The following PDHX variants were observed in gnomAD, a reference collection of about 807,000 sequenced individuals.
PDHX encodes the protein pyruvate dehydrogenase protein X component, mitochondrial.
A neutral mutation model predicts 55.3 loss-of-function variants in PDHX; 33 were observed. The ratio of observed to expected loss-of-function variants is 0.60; its 90% confidence interval spans 0.45 to 0.80. The LOEUF is 0.80. PDHX is among the 30% of genes least tolerant of loss of function. The pLI, the probability that PDHX is intolerant of heterozygous loss-of-function variation, is 0.00. For synonymous variants in PDHX, 226 were observed against 219.4 expected, an observed-to-expected ratio of 1.03 and a Z score of -0.27; for missense variants, 622 against 619.9, an observed-to-expected ratio of 1.00 and a Z score of -0.04.
chr11:34,951,519 C>T (rs1048623606), intron 3 of PDHX, among the ~76,000 whole-genome samples: 3 of 152,102 alleles, frequency 2.0e-5, no homozygotes, highest in African/African-American at 7.2e-5. Flanking sequence ...TGTTCATACC[C>T]TTTGCCCACT....
chr11:34,963,117 A>C (rs925945023), intron 5 of PDHX, among the ~76,000 whole-genome samples: 1 of 152,166 alleles, frequency 6.6e-6, no homozygotes, highest in Non-Finnish European at 1.5e-5. Flanking sequence ...TTGCTTTTCT[A>C]TACTGCTAAA....
intron 7 of PDHX, among the ~76,000 whole-genome samples, chr11:34,972,338 A>C (rs982802637): frequency 6.6e-6 from 1 of 151,694 alleles, no homozygotes; most frequent in Admixed American, 6.6e-5. Flanking sequence ...TAATATAAGC[A>C]TATAGTACTC....
intron 3 of PDHX, among the ~76,000 whole-genome samples, chr11:34,951,082 A>C (rs1244825382): frequency 1.0e-5 from 1 of 96,670 alleles, no homozygotes; most frequent in Non-Finnish European, 1.9e-5. Flanking sequence ...TTTGAGACGC[A>C]GTCTTGCTCT....
chr11:34,985,757 G>A (rs887541344), intron 9 of PDHX, among the ~76,000 whole-genome samples: 10 of 152,180 alleles, frequency 6.6e-5, no homozygotes, highest in Non-Finnish European at 1.5e-4. Context: ...ATTTATAAGG[G>A]AGATATGAGG....
chr11:34,954,998 A>G (rs543599929), intron 3 of PDHX, among the ~76,000 whole-genome samples: 9 of 152,344 alleles, frequency 5.9e-5, no homozygotes, highest in Admixed American at 5.9e-4. Context: ...CTCAACATTC[A>G]ATATTTCAGT....
chr11:34,984,158 G>A (rs1855588528), intron 8 of PDHX, among the ~76,000 whole-genome samples: 1 of 152,104 alleles, frequency 6.6e-6, no homozygotes, highest in Non-Finnish European at 1.5e-5. Flanking sequence ...CCAGAGCTGG[G>A]CTAGAAAGTA....
At chr11:34,977,077 T>A (rs1855395199) in intron 7 of PDHX, among the ~76,000 whole-genome samples, 1 of 152,192 alleles carries the variant, frequency 6.6e-6, no homozygotes, top group African/African-American at 2.4e-5. Context: ...GGAGCTTTGA[T>A]ACTTTGCAGC....
chr11:34,974,104 C>A (rs1264510673), intron 7 of PDHX, among the ~76,000 whole-genome samples: 1 of 152,162 alleles, frequency 6.6e-6, no homozygotes, highest in Admixed American at 6.5e-5. Flanking sequence ...TTGTTTGCAA[C>A]CATTGCCACC....
In PDHX at chr11:34,957,579, C is replaced by A; in HGVS notation, c.538C>A (p.Leu180Ile). The A allele has an allele frequency of 6.2e-7, 1 of 1,609,702 alleles. No homozygotes were observed. The highest frequency in any genetic ancestry group is 8.5e-7 in the Non-Finnish European group (1 of 1,176,374). ...CAAGAAGGAACACATACCCGGGACA[C>A]TACGGTGAGTATATATTTATTCAAA... ...PVKKEHIPGT[L>I]RFRLSPAARN... is the part of the protein sequence containing the mutation. Residue 180 changes from leucine to isoleucine, a missense_variant, in exon 4 of 11, where the codon CTA (leucine) becomes ATA (isoleucine). Coordinates refer to ENST00000227868, the MANE Select transcript of PDHX (RefSeq NM_003477.3).
intron 2 of PDHX, among the ~76,000 whole-genome samples, chr11:34,938,962 A>G (rs1235045720): frequency 4.6e-5 from 7 of 152,226 alleles, no homozygotes; most frequent in Non-Finnish European, 7.3e-5. Flanking sequence ...ATTGAGAGCA[A>G]TCTTAATCCT....
intron 6 of PDHX, among the ~76,000 whole-genome samples, chr11:34,967,646 T>C (rs1356233105): frequency 6.6e-6 from 1 of 152,146 alleles, no homozygotes; most frequent in African/African-American, 2.4e-5. Context: ...ATTCAGGTTA[T>C]TTTCTTCCTA....
intron 8 of PDHX, 76 bp from the exon 9 acceptor site, chr11:34,984,494 C>T (rs1480153696): frequency 2.4e-5 from 31 of 1,302,372 alleles, no homozygotes; most frequent in Middle Eastern, 1.9e-4. Flanking sequence ...GGAAAATGCA[C>T]AATGATTTTA....
intron 1 of PDHX, among the ~76,000 whole-genome samples, chr11:34,926,351 A>C (rs1321381371): frequency 6.6e-6 from 1 of 152,204 alleles, no homozygotes; most frequent in Non-Finnish European, 1.5e-5. Context: ...CATTGGAATG[A>C]GAAGTGATTA....
chr11:34,980,093 T>C (rs1250193704), intron 8 of PDHX, among the ~76,000 whole-genome samples: 1 of 151,304 alleles, frequency 6.6e-6, no homozygotes, highest in Non-Finnish European at 1.5e-5. Flanking sequence ...TAAAAGCTTA[T>C]ATTTTCCCAG....
At chr11:34,966,292 A>G (rs1854231896) in intron 5 of PDHX, among the ~76,000 whole-genome samples, 1 of 152,250 alleles carries the variant, frequency 6.6e-6, no homozygotes. Flanking sequence ...TTTCATGAGT[A>G]TAAAGGATGA....
chr11:34,968,780 A>G lies in PDHX; in HGVS notation c.817-1359A>G, dbSNP rs577454449. On this transcript the variant is annotated intron_variant, in intron 6 of 10. Transcript: ENST00000227868. ...CAAAATATTGGAAGACCCTTCAGTT[A>G]CCTTTCATGATTTCTAGTTTAACTC... is the stretch of plus-strand genomic sequence containing the variant. Among the ~76,000 whole-genome samples, 5 of 152,306 alleles carry G rather than the reference A, an allele frequency of 3.3e-5. No homozygotes were observed. In the South Asian group the frequency reaches 8.3e-4, roughly 25 times the overall value.
At chr11:34,933,170 A>G (rs1037096004) in intron 2 of PDHX, among the ~76,000 whole-genome samples, 2 of 152,258 alleles carry the variant, frequency 1.3e-5, no homozygotes, top group Non-Finnish European at 2.9e-5. Context: ...CAATATACAT[A>G]TCTTGCACAA....
chr11:34,944,491 G>T (rs1044472228), intron 2 of PDHX, among the ~76,000 whole-genome samples: 1 of 152,078 alleles, frequency 6.6e-6, no homozygotes, highest in Non-Finnish European at 1.5e-5. Context: ...GGACCTTTTA[G>T]GTGGTAAATA....
intron 9 of PDHX, among the ~76,000 whole-genome samples, chr11:34,992,085 A>C (rs1855768793): frequency 6.6e-6 from 1 of 152,064 alleles, no homozygotes; most frequent in Non-Finnish European, 1.5e-5. Flanking sequence ...ACATTTGAAA[A>C]ATTGTTAAAG....
Sources: allele counts gnomAD v4.1 joint callset (sites outside exome capture counted in the v4.1 genomes callset), GRCh38; gene constraint gnomAD v4.1.1; transcripts MANE v1.5; gene names NCBI Gene and HGNC (gene_info 2026-07-23, HGNC 2026-07-21).